Variants in RNF150 observed in about 807,000 individuals in gnomAD.
RNF150 encodes the protein ring finger protein 150.
Under a neutral mutation model 39.3 loss-of-function variants are expected in RNF150, and 24 were observed. The observed-to-expected ratio is 0.61, with a 90% CI of 0.44 to 0.86. RNF150 has a LOEUF of 0.86. Among genes scored for constraint, RNF150 ranks in the 40% least tolerant of loss-of-function variants. The pLI, the probability that RNF150 is intolerant of heterozygous loss-of-function variation, is 0.00. For missense variants in RNF150, 502 were observed against 587.8 expected (o/e 0.85, Z 1.51); for synonymous variants, 255 against 227.3 (o/e 1.12, Z -1.10).
intron 1 of RNF150, among the ~76,000 whole-genome samples, chr4:141,027,616 C>T (rs945689656): frequency 6.6e-6 from 1 of 152,122 alleles, no homozygotes; most frequent in Non-Finnish European, 1.5e-5. Flanking sequence ...TGTGCCACTT[C>T]CCAGTCTGGC....
At position 140,926,179 on chromosome 4, in the gene RNF150, G is replaced by T. The variant is rs183647036; in HGVS notation, c.891-106C>A. 145 of 763,324 alleles carry T rather than the reference G, an allele frequency of 1.9e-4. 1 individual carries two copies. Among genetic ancestry groups the T allele is most frequent in the East Asian group, 1.4e-3 (57 of 40,000 alleles). The allele number at this position is 763,324 out of a possible 1,614,324, so 47.3% of individuals were successfully genotyped here. A position where few individuals can be genotyped will look rare whatever the true frequency, so the allele number is the denominator to read the frequency against. ...GGTCACAAAATTACTCAGTGGCAGA[G>T]CCAAGACTCAAACCTCCATCCCTAA... On this transcript the variant is annotated intron_variant, in intron 4 of 6. Transcript: ENST00000515673.
intron 1 of RNF150, among the ~76,000 whole-genome samples, chr4:141,166,545 A>C (rs1727608404): frequency 1.3e-5 from 2 of 152,252 alleles, no homozygotes; most frequent in African/African-American, 4.8e-5. Flanking sequence ...AATCCTCAGT[A>C]AAATACTGGC....
chr4:141,052,445 G>A (rs1304687105), intron 1 of RNF150, among the ~76,000 whole-genome samples: 1 of 152,076 alleles, frequency 6.6e-6, no homozygotes, highest in Non-Finnish European at 1.5e-5. Context: ...GCGCGATCTT[G>A]GCTCACTGCA....
At chr4:140,925,932 G>A (rs192726688) in intron 5 of RNF150, 45 bp downstream of exon 5, 147 of 1,365,428 alleles carry the variant, frequency 1.1e-4, no homozygotes, top group Admixed American at 3.4e-4. Context: ...TGAGGGCAAC[G>A]CAGAAAGACA....
intron 1 of RNF150, among the ~76,000 whole-genome samples, chr4:141,003,640 G>A (rs1317847897): frequency 6.6e-6 from 1 of 150,438 alleles, no homozygotes; most frequent in African/African-American, 2.5e-5. Context: ...CACAATCCCT[G>A]AAATCCAAGG....
chr4:141,020,643 G>A (rs2110783941), intron 1 of RNF150, among the ~76,000 whole-genome samples: 1 of 152,248 alleles, frequency 6.6e-6, no homozygotes, highest in Non-Finnish European at 1.5e-5. Context: ...AAATAGTCAG[G>A]AAAACATGGC....
intron 6 of RNF150, among the ~76,000 whole-genome samples, chr4:140,872,157 C>A (rs185997490): frequency 2.6e-5 from 4 of 152,258 alleles, no homozygotes; most frequent in African/African-American, 9.6e-5. Context: ...TACAATAATA[C>A]GAATGAAAAC....
intron 1 of RNF150, chr4:141,212,757 A>C (rs1728490814): frequency 6.6e-6 from 1 of 152,460 alleles, no homozygotes; most frequent in Non-Finnish European, 1.5e-5. Context: ...ACCTGAGACT[A>C]GGTAATTTAT....
intron 1 of RNF150, among the ~76,000 whole-genome samples, chr4:140,979,106 T>C (rs1055469712): frequency 6.6e-6 from 1 of 152,114 alleles, no homozygotes; most frequent in African/African-American, 2.4e-5. Flanking sequence ...CTGAGGAACC[T>C]GTGTATACAA....
At chr4:140,909,226 ACCTTTAATGTT>A (rs1272940661) in intron 6 of RNF150, among the ~76,000 whole-genome samples, 1 of 152,106 alleles carries the variant, frequency 6.6e-6, no homozygotes, top group East Asian at 1.9e-4. Context: ...AAATCAAATG[ACCTTTAATGTT>A]CTCTTCCATT....
intron 5 of RNF150, among the ~76,000 whole-genome samples, chr4:140,911,761 T>A (rs981214991): frequency 2.0e-5 from 3 of 152,162 alleles, no homozygotes; most frequent in Non-Finnish European, 2.9e-5. Flanking sequence ...CCCTTAAAAC[T>A]CATGTGTTGT....
intron 1 of RNF150, among the ~76,000 whole-genome samples, chr4:141,155,252 A>ATTTTTTTTTTTTTTTTTTTTTTT (rs70946798): frequency 7.9e-6 from 1 of 126,416 alleles, no homozygotes; most frequent in Non-Finnish European, 1.6e-5. Context: ...CACCCGGCTG[A>ATTTTTTTTTTTTTTTTTTTTTTT]TTTTTTTTTT....
chr4:141,010,997 A>G (rs755366625), intron 1 of RNF150, among the ~76,000 whole-genome samples: 8 of 152,166 alleles, frequency 5.3e-5, no homozygotes, highest in Non-Finnish European at 8.8e-5. Flanking sequence ...ACGTATAACA[A>G]TGGAATACTT....
chr4:141,174,527 A>C (rs544280236), intron 1 of RNF150, among the ~76,000 whole-genome samples: 1 of 152,170 alleles, frequency 6.6e-6, no homozygotes, highest in South Asian at 2.1e-4. Flanking sequence ...CAAATAGCAG[A>C]ACCAGATCGT....
intron 1 of RNF150, among the ~76,000 whole-genome samples, chr4:141,194,075 A>G (rs373781379): frequency 1.1e-4 from 17 of 152,242 alleles, no homozygotes; most frequent in Admixed American, 6.5e-4. Context: ...TGAAACACAC[A>G]TATTGTATAC....
chr4:140,983,777 T>C (rs1376146760), intron 1 of RNF150, among the ~76,000 whole-genome samples: 8 of 151,118 alleles, frequency 5.3e-5, no homozygotes, highest in Admixed American at 5.3e-4. Flanking sequence ...TCTCACTCTG[T>C]TGACCAGGCT....
At position 140,865,880 on chromosome 4, in the gene RNF150, T is replaced by G. The variant is rs1388897425; in HGVS notation, c.*2381A>C. 1 of 152,386 alleles carries G rather than the reference T, an allele frequency of 6.6e-6. No individual in the cohort carries two copies. Among genetic ancestry groups the G allele is most frequent in the African/African-American group, 2.4e-5 (1 of 41,458 alleles). 9.4% of individuals were successfully genotyped at this position (152,386 alleles called of 1,614,324 possible). On this transcript the variant is annotated 3_prime_UTR_variant, in exon 7 of 7. Transcript: ENST00000515673. ...AATATAATTTATATTTCTGTTGCTA[T>G]TGAATTATCCTTCTAATTCCACTGG...
At position 141,050,290 on chromosome 4, in the gene RNF150, G is replaced by C. The variant is rs143971406; in HGVS notation, c.484+82035C>G. On this transcript the variant is annotated intron_variant, in intron 1 of 6. Coordinates refer to ENST00000515673, the MANE Select transcript of RNF150 (RefSeq NM_020724.2). ...GAGTTACAATTCAAGATGAGATTTG[G>C]GCAGGGACAAAAGCAAACCATATCA... 2.7e-3 allele frequency among the ~76,000 whole-genome samples: 417 copies of C among 151,996 alleles called. 1 individual carries two copies. The highest frequency in any genetic ancestry group is 9.2e-3 in the African/African-American group (382 of 41,492).
chr4:140,968,058 AG>A (rs1247964855), intron 1 of RNF150, among the ~76,000 whole-genome samples, 185 bp from the exon 2 acceptor site: 1 of 152,132 alleles, frequency 6.6e-6, no homozygotes, highest in African/African-American at 2.4e-5. Flanking sequence ...TCAGCTACCT[AG>A]CTTTCTTCAG....
Sources: gnomAD v4.1 joint callset for allele counts (sites outside exome capture counted in the v4.1 genomes callset) on GRCh38, gnomAD v4.1.1 for gene constraint, MANE v1.5 for transcripts, NCBI Gene and HGNC (gene_info 2026-07-23, HGNC 2026-07-21) for gene names.